The following NOL4 variants were observed in gnomAD, a reference collection of about 807,000 sequenced individuals.
NOL4 encodes the protein cancer/testis antigen 125.
In NOL4, 17 loss-of-function variants were observed where a neutral mutation model predicts 75.9. That is an observed-to-expected ratio of 0.22 (90% CI 0.15 to 0.34). The LOEUF (loss-of-function observed/expected upper bound fraction) is 0.34, where lower values mean the gene tolerates loss of function less well. NOL4 is among the 10% of genes least tolerant of loss of function. The pLI, the probability that NOL4 is intolerant of heterozygous loss-of-function variation, is 1.00. For synonymous variants in NOL4, 292 were observed against 289.9 expected, an observed-to-expected ratio of 1.01 and a Z score of -0.07; for missense variants, 614 against 793.5, an observed-to-expected ratio of 0.77 and a Z score of 2.72.
At chr18:34,139,359 G>C (rs1156287679) in intron 1 of NOL4, among the ~76,000 whole-genome samples, 2 of 152,174 alleles carry the variant, frequency 1.3e-5, no homozygotes, top group Non-Finnish European at 2.9e-5. Context: ...TTCAGAGCCT[G>C]TTCTTGGTCT....
chr18:33,914,358 T>C (rs1253356626), intron 9 of NOL4, among the ~76,000 whole-genome samples: 18 of 152,044 alleles, frequency 1.2e-4, no homozygotes, highest in Admixed American at 6.6e-5. Flanking sequence ...TAGGAAATTA[T>C]AGGAGAGGAG....
intron 5 of NOL4, chr18:34,048,619 G>A: frequency 1.0e-6 from 1 of 985,322 alleles, no homozygotes; most frequent in Non-Finnish European, 1.2e-6. Flanking sequence ...GTATGAAGCA[G>A]GAGATGGTGT....
intron 5 of NOL4, among the ~76,000 whole-genome samples, chr18:34,029,555 G>A (rs1253878752): frequency 6.6e-6 from 1 of 152,094 alleles, no homozygotes; most frequent in Non-Finnish European, 1.5e-5. Context: ...TAACACTCAG[G>A]AGCAGCTGAC....
At chr18:33,884,519 A>G (rs2064518019) in intron 9 of NOL4, among the ~76,000 whole-genome samples, 1 of 152,170 alleles carries the variant, frequency 6.6e-6, no homozygotes, top group Admixed American at 6.6e-5. Flanking sequence ...TATTTTCAAT[A>G]GCAATACAGA....
At chr18:34,107,675 G>A (rs1281007606) in intron 2 of NOL4, among the ~76,000 whole-genome samples, 2 of 143,608 alleles carry the variant, frequency 1.4e-5, no homozygotes, top group African/African-American at 2.6e-5. Context: ...TGCAACGCAC[G>A]TAAAGAAAAA....
chr18:34,078,688 A>G lies in NOL4; in HGVS notation c.772+14777T>C, dbSNP rs186227674. ...ATAATTACTTACATGGGAACAAAATACTATATCCAGCAAACACAGTTTTAA... is the reference window on the plus strand; with the variant it reads ...ATAATTACTTACATGGGAACAAAATGCTATATCCAGCAAACACAGTTTTAA... On this transcript the variant is annotated intron_variant, in intron 5 of 10. Coordinates refer to ENST00000261592, the MANE Select transcript of NOL4 (RefSeq NM_003787.5). Among the ~76,000 whole-genome samples the G allele has an allele frequency of 1.1e-4, 17 of 152,364 alleles. No homozygotes were observed. The East Asian group carries it at 1.9e-3, about 17-fold the overall frequency.
At chr18:34,159,119 G>C (rs965368077) in intron 1 of NOL4, among the ~76,000 whole-genome samples, 6 of 152,180 alleles carry the variant, frequency 3.9e-5, no homozygotes, top group Non-Finnish European at 8.8e-5. Flanking sequence ...AGGTGAGGTT[G>C]CCCTGGCGGT....
chr18:34,222,144 C>A, intron 1 of NOL4: 1 of 1,526,898 alleles, frequency 6.5e-7, no homozygotes, highest in East Asian at 2.5e-5. Flanking sequence ...GCTTCTGCAG[C>A]GTGAGGCTGA....
chr18:33,914,539 A>C lies in NOL4; in HGVS notation c.1542+28526T>G, dbSNP rs147372171. Among the ~76,000 whole-genome samples the C allele has an allele frequency of 7.8e-3, 1,184 of 151,616 alleles. 7 individuals are homozygous for C. The highest frequency in any genetic ancestry group is 0.012 in the Admixed American group (182 of 15,196). ...TGGCAACATATAAACAACAGACTAA[A>C]TGAGGGATAAGAGCAAGAGGAAGAG... On this transcript the variant is annotated intron_variant, in intron 9 of 10. Transcript: ENST00000261592.
chr18:34,070,368 T>C (rs1442669670), intron 5 of NOL4, among the ~76,000 whole-genome samples: 1 of 152,198 alleles, frequency 6.6e-6, no homozygotes, highest in African/African-American at 2.4e-5. Context: ...CTACTTGCCT[T>C]TCAGTCTCTG....
At position 33,976,485 on chromosome 18, in the gene NOL4, G is replaced by T. The variant is rs561707921; in HGVS notation, c.1057-18067C>A. 2.6e-5 allele frequency among the ~76,000 whole-genome samples: 4 copies of T among 152,250 alleles called. 1 individual carries two copies. In the South Asian group the frequency reaches 8.3e-4, roughly 32 times the overall value. On this transcript the variant is annotated intron_variant, in intron 6 of 10. Coordinates refer to ENST00000261592, the MANE Select transcript of NOL4 (RefSeq NM_003787.5). ...TATTAAAGTTATTACCTATCATTCT[G>T]AAGTAGAAGTCCCAAAATGGCAAAC...
At chr18:33,922,882 A>C (rs902130356) in intron 9 of NOL4, among the ~76,000 whole-genome samples, 2 of 152,130 alleles carry the variant, frequency 1.3e-5, no homozygotes, top group African/African-American at 4.8e-5. Flanking sequence ...TTTGATTCTA[A>C]ATATCGAATT....
At chr18:33,988,476 T>TA (rs1191571562) in intron 6 of NOL4, among the ~76,000 whole-genome samples, 1 of 152,118 alleles carries the variant, frequency 6.6e-6, no homozygotes, top group Non-Finnish European at 1.5e-5. Context: ...CCTGTTCATG[T>TA]AAGAAGATGC....
intron 5 of NOL4, among the ~76,000 whole-genome samples, chr18:34,054,371 T>C (rs933772978): frequency 2.6e-5 from 4 of 152,000 alleles, no homozygotes; most frequent in African/African-American, 9.7e-5. Flanking sequence ...GCTTCATCTA[T>C]TGGGAACTCT....
intron 5 of NOL4, among the ~76,000 whole-genome samples, chr18:34,074,194 A>G (rs979474623): frequency 2.0e-5 from 3 of 151,708 alleles, no homozygotes; most frequent in Admixed American, 1.3e-4. Flanking sequence ...ATCTCAAATA[A>G]TTGGATTTTT....
intron 1 of NOL4, among the ~76,000 whole-genome samples, chr18:34,160,818 T>G (rs1382563504): frequency 6.6e-6 from 1 of 152,202 alleles, no homozygotes; most frequent in Admixed American, 6.5e-5. Flanking sequence ...TTCTTTGTTC[T>G]GGGAACAATC....
At chr18:34,096,691 A>T (rs2078801013) in intron 4 of NOL4, among the ~76,000 whole-genome samples, 1 of 152,158 alleles carries the variant, frequency 6.6e-6, no homozygotes, top group Non-Finnish European at 1.5e-5. Flanking sequence ...TTCTTACATG[A>T]CTAAAATCTC....
intron 9 of NOL4, among the ~76,000 whole-genome samples, chr18:33,902,155 GT>G (rs770119369): frequency 1.6e-4 from 24 of 149,230 alleles, no homozygotes; most frequent in African/African-American, 2.2e-4. Context: ...GATTCAGTTA[GT>G]TTTTTTTTTA....
chr18:34,212,155 A>C (rs2036557270), intron 1 of NOL4, among the ~76,000 whole-genome samples: 3 of 152,158 alleles, frequency 2.0e-5, no homozygotes, highest in Non-Finnish European at 4.4e-5. Flanking sequence ...AGATGAATGG[A>C]ATATCATGAA....
Sources: gnomAD v4.1 joint callset for allele counts (sites outside exome capture counted in the v4.1 genomes callset) on GRCh38, gnomAD v4.1.1 for gene constraint, MANE v1.5 for transcripts, NCBI Gene and HGNC (gene_info 2026-07-23, HGNC 2026-07-21) for gene names.